The following ABCC8 variants were observed in gnomAD, a reference collection of about 807,000 sequenced individuals.
ABCC8 encodes the protein ATP binding cassette subfamily C member 8.
In ABCC8, 137 loss-of-function variants were observed where a neutral mutation model predicts 188.0. The observed-to-expected ratio is 0.73, with a 90% confidence interval of 0.63 to 0.84. ABCC8 has a LOEUF of 0.84. Among genes scored for constraint, ABCC8 ranks in the 40% least tolerant of loss-of-function variants. The pLI is 0.00. For synonymous variants in ABCC8, 797 were observed against 846.5 expected (o/e 0.94, Z 1.01); for missense variants, 1,750 against 2,072.7 (o/e 0.84, Z 3.02).
At chr11:17,400,814 T>C (rs1039242608) in intron 29 of ABCC8, among the ~76,000 whole-genome samples, 1 of 152,192 alleles carries the variant, frequency 6.6e-6, no homozygotes, top group Admixed American at 6.5e-5. Flanking sequence ...TGTTATGTGG[T>C]CCTTGTGAGG....
At chr11:17,392,854 A>G, downstream of ABCC8, 1 of 1,065,234 alleles carries the variant, frequency 9.4e-7, no homozygotes, top group South Asian at 1.3e-5. Context: ...ATCCACCGCC[A>G]GCCCCTGCCC....
intron 2 of ABCC8, among the ~76,000 whole-genome samples, chr11:17,472,301 G>T (rs1329497150): frequency 6.6e-6 from 1 of 152,130 alleles, no homozygotes; most frequent in East Asian, 1.9e-4. Context: ...AGTGTATGGT[G>T]GTCTGGGAAA....
At chr11:17,431,363 C>G (rs1173665993) in intron 11 of ABCC8, among the ~76,000 whole-genome samples, 1 of 152,274 alleles carries the variant, frequency 6.6e-6, no homozygotes, top group African/African-American at 2.4e-5. Context: ...GCCCCAGCCA[C>G]CTGGCTGGCT....
At position 17,393,696 on chromosome 11, in the gene ABCC8, C is replaced by A; in HGVS notation, c.4608+1G>T. 6.2e-7 allele frequency: 1 copy of A among 1,614,234 alleles called. No individual in the cohort carries two copies. Among genetic ancestry groups the A allele is most frequent in the Non-Finnish European group, 8.5e-7 (1 of 1,180,014 alleles). On this transcript the variant is annotated splice_donor_variant, in intron 38 of 38. Transcript: ENST00000389817. LOFTEE classifies it high-confidence loss of function. ...CTGCACCCCATCAATGGGCCCCTTACCGCGATGGTGACCACAGTGCGGTCT... is the reference window on the plus strand; with the variant it reads ...CTGCACCCCATCAATGGGCCCCTTAACGCGATGGTGACCACAGTGCGGTCT...
At chr11:17,440,824 T>C (rs1956285826) in intron 10 of ABCC8, among the ~76,000 whole-genome samples, 2 of 152,198 alleles carry the variant, frequency 1.3e-5, no homozygotes, top group Non-Finnish European at 2.9e-5. Context: ...TATGGGATAT[T>C]TCCCCAGTCC....
chr11:17,420,393 G>C (rs1955283670), intron 16 of ABCC8, among the ~76,000 whole-genome samples: 1 of 152,122 alleles, frequency 6.6e-6, no homozygotes, highest in African/African-American at 2.4e-5. Flanking sequence ...TACAGCCAGG[G>C]GCCATCTGGT....
chr11:17,440,446 C>G (rs1956270896), intron 10 of ABCC8, among the ~76,000 whole-genome samples: 1 of 152,108 alleles, frequency 6.6e-6, no homozygotes, highest in Admixed American at 6.5e-5. Flanking sequence ...TTCTGAGCTC[C>G]CTAGATGTTC....
chr11:17,475,126 G>A (rs887612066), intron 1 of ABCC8, 99 bp from the exon 2 acceptor site: 45 of 1,538,640 alleles, frequency 2.9e-5, no homozygotes, highest in Non-Finnish European at 3.6e-5. Context: ...GGTCCATGGT[G>A]AGGGTGACAC....
intron 33 of ABCC8, chr11:17,396,446 C>CA (rs879663439): frequency 2.1e-5 from 6 of 289,696 alleles, no homozygotes; most frequent in Non-Finnish European, 4.0e-5. Context: ...CAGAGAATGA[C>CA]ATGGACAGCC....
At chr11:17,397,834 G>A (rs370403599) in intron 30 of ABCC8, 37 bp from the exon 31 acceptor site, 262 of 1,610,514 alleles carry the variant, frequency 1.6e-4, no homozygotes, top group Admixed American at 2.3e-4. Context: ...GCGCTCAGGG[G>A]TTAGAGCCAC....
At chr11:17,418,938 C>T (rs982186534) in intron 16 of ABCC8, among the ~76,000 whole-genome samples, 2 of 152,288 alleles carry the variant, frequency 1.3e-5, no homozygotes, top group Non-Finnish European at 1.5e-5. Context: ...CTTCACTGTG[C>T]ACTGTGAGAA....
At chr11:17,442,940 G>T in intron 9 of ABCC8, 58 bp from the exon 10 acceptor site, 1 of 1,604,480 alleles carries the variant, frequency 6.2e-7, no homozygotes. Flanking sequence ...CACCCGAGAG[G>T]AAGGCCTGAG....
chr11:17,400,609 G>A (rs900784213), intron 29 of ABCC8, among the ~76,000 whole-genome samples: 3 of 152,158 alleles, frequency 2.0e-5, no homozygotes, highest in African/African-American at 7.2e-5. Context: ...CTCCGAGCCC[G>A]CCACTGAGCC....
chr11:17,443,336 G>A (rs755179768), intron 8 of ABCC8, 24 bp from the exon 9 acceptor site: 1 of 1,613,898 alleles, frequency 6.2e-7, no homozygotes, highest in South Asian at 1.1e-5. Flanking sequence ...CATGGGTCAG[G>A]TCCCTTTGAC....
Position 17,463,580 on chromosome 11 carries a change from G to A in ABCC8, c.437C>T (p.Ala146Val). The change falls in exon 4 of 39, where the codon GCC becomes GTC. Residue 146 changes from alanine to valine, a missense_variant. By Grantham distance (64) the Ala-to-Val change is moderately conservative. Transcript: ENST00000389817. ...LIALLVYWTL[A>V]FITKTIKFVK... is the part of the protein sequence containing the mutation. ...AAACTTGATGGTCTTGGTGATGAAG[G>A]CCAGGGTCCAATACACCAGCAGGGC... The A allele has an allele frequency of 6.3e-7, 1 of 1,587,890 alleles. No homozygotes were observed. Among genetic ancestry groups the A allele is most frequent in the Admixed American group, 1.8e-5 (1 of 56,048 alleles).
rs1266809411 is a variant in ABCC8, at chr11:17,427,384, C to CCTA, written c.2117-231_2117-230insTAG. Reference sequence around the variant, plus strand: ...CTCTCTGATTTCCTGCCCCGCCACCCTTCCTAAGCACTCGCTTCTCCTTTC... The same window carrying CCTA: ...CTCTCTGATTTCCTGCCCCGCCACCCCTATTCCTAAGCACTCGCTTCTCCTTTC... On this transcript the variant is annotated intron_variant, in intron 15 of 38. Transcript: ENST00000389817. This position sits in a 1 kb window ranked among gnomAD's most constrained non-coding sequence, Gnocchi z 5.0. 1.3e-5 allele frequency among the ~76,000 whole-genome samples: 2 copies of CCTA among 152,300 alleles called. No homozygotes were observed. The highest frequency in any genetic ancestry group is 3.9e-4 in the East Asian group (2 of 5,178).
chr11:17,397,123 C>A (rs865834758), intron 32 of ABCC8, 70 bp downstream of exon 32: 2 of 1,613,550 alleles, frequency 1.2e-6, no homozygotes, highest in East Asian at 2.2e-5. Context: ...TCCCCAGGCT[C>A]CCTTGTGGCC....
intron 11 of ABCC8, 47 bp downstream of exon 11, chr11:17,432,157 C>G: frequency 6.4e-7 from 1 of 1,551,286 alleles, no homozygotes; most frequent in Non-Finnish European, 8.7e-7. Flanking sequence ...TGCAGACGCC[C>G]TCCCCCTCCA....
chr11:17,397,003 G>A lies in ABCC8; in HGVS notation c.4032C>T (p.Ile1344=), dbSNP rs1230698351. ...IPKNWPDQGK[I]QIQNLSVRYD... Reference sequence around the variant, plus strand: ...AGCGCACGCTCAGGTTCTGGATCTGGATCTTCCCTTGGTCTGGCCAGTTCT... The same window carrying A: ...AGCGCACGCTCAGGTTCTGGATCTGAATCTTCCCTTGGTCTGGCCAGTTCT... The change falls in exon 33 of 39, where the codon ATC becomes ATT. Residue 1344 remains isoleucine, a synonymous_variant. Coordinates refer to ENST00000389817, the MANE Select transcript of ABCC8 (RefSeq NM_000352.6). 6.8e-6 allele frequency: 11 copies of A among 1,614,232 alleles called. No homozygotes were observed. Among genetic ancestry groups the A allele is most frequent in the Non-Finnish European group, 9.3e-6 (11 of 1,180,028 alleles).
Sources: allele counts gnomAD v4.1 joint callset (sites outside exome capture counted in the v4.1 genomes callset), GRCh38; gene constraint gnomAD v4.1.1; non-coding constraint Gnocchi (gnomAD v3.1); transcripts MANE v1.5; gene names NCBI Gene and HGNC (gene_info 2026-07-23, HGNC 2026-07-21).